RASEF: variants seen among roughly 807,000 people sequenced by gnomAD.
RASEF encodes the protein RAS and EF-hand domain containing.
Under a neutral mutation model 90.1 loss-of-function variants are expected in RASEF, and 68 were observed. The observed-to-expected ratio is 0.75, with a 90% CI of 0.62 to 0.92. RASEF has a LOEUF of 0.92. RASEF is among the 40% of genes least tolerant of loss of function. RASEF has a pLI of 0.00. For synonymous variants in RASEF, 331 were observed against 345.2 expected (o/e 0.96, Z 0.46); for missense variants, 949 against 937.2 (o/e 1.01, Z -0.16).
At chr9:83,182,120 T>C in the RASEF span, among the ~76,000 whole-genome samples, 1 of 151,986 alleles carries the variant, frequency 6.6e-6, no homozygotes, top group Non-Finnish European at 1.5e-5. Flanking sequence ...CCTGTAACCA[T>C]GCGGTAGCTC....
chr9:83,204,648 A>G, the RASEF span, among the ~76,000 whole-genome samples: 3 of 152,360 alleles, frequency 2.0e-5, no homozygotes, highest in East Asian at 3.9e-4. Flanking sequence ...CAAACATGTC[A>G]TCTAATAGCA....
the RASEF span, among the ~76,000 whole-genome samples, chr9:83,068,901 A>G: frequency 9.9e-5 from 15 of 152,226 alleles, no homozygotes; most frequent in Non-Finnish European, 2.1e-4. Context: ...ACTGGAAACT[A>G]TTTGTCATGC....
the RASEF span, among the ~76,000 whole-genome samples, chr9:83,112,696 A>AC: frequency 1.2e-4 from 18 of 152,204 alleles, no homozygotes; most frequent in Non-Finnish European, 2.6e-4. Flanking sequence ...TCAAAAAAAA[A>AC]AAAAGTATGT....
chr9:83,204,515 G>A, the RASEF span, among the ~76,000 whole-genome samples: 1 of 152,144 alleles, frequency 6.6e-6, no homozygotes, highest in Non-Finnish European at 1.5e-5. Flanking sequence ...GACAAAAAAG[G>A]TTCCCAGGGA....
chr9:83,172,579 A>G, the RASEF span, among the ~76,000 whole-genome samples: 3 of 151,820 alleles, frequency 2.0e-5, no homozygotes, highest in Admixed American at 6.6e-5. Context: ...ATAAAAACAC[A>G]TTATAGCTAT....
At chr9:83,091,557 AAAAAT>A in the RASEF span, among the ~76,000 whole-genome samples, 2 of 152,200 alleles carry the variant, frequency 1.3e-5, no homozygotes, top group Admixed American at 6.5e-5. Context: ...ACTGACTGAA[AAAAAT>A]AAAAATAAAA....
chr9:82,999,267 T>C (rs1828979429), intron 12 of RASEF, among the ~76,000 whole-genome samples: 1 of 152,192 alleles, frequency 6.6e-6, no homozygotes, highest in Admixed American at 6.5e-5. Context: ...TGAAGGTGGG[T>C]AACGGATCAT....
At chr9:83,124,483 T>A in the RASEF span, among the ~76,000 whole-genome samples, 1 of 152,186 alleles carries the variant, frequency 6.6e-6, no homozygotes, top group African/African-American at 2.4e-5. Context: ...AGCTGTTCTA[T>A]AAATTAGTCA....
intron 1 of RASEF, among the ~76,000 whole-genome samples, chr9:83,027,438 C>A (rs1047346302): frequency 2.6e-5 from 4 of 152,164 alleles, no homozygotes; most frequent in Non-Finnish European, 5.9e-5. Flanking sequence ...CAGCTACCAG[C>A]CTTCTCACTA....
chr9:83,015,157 G>T (rs1829320339), intron 4 of RASEF, among the ~76,000 whole-genome samples: 1 of 152,056 alleles, frequency 6.6e-6, no homozygotes, highest in African/African-American at 2.4e-5. Context: ...CATGCACTTT[G>T]CAATAAGCTA....
the RASEF span, among the ~76,000 whole-genome samples, chr9:83,174,191 G>A: frequency 6.6e-6 from 1 of 151,762 alleles, no homozygotes; most frequent in Non-Finnish European, 1.5e-5. Context: ...TCCTTTTGTT[G>A]CTTATGCTTT....
At chr9:83,175,706 G>A in the RASEF span, among the ~76,000 whole-genome samples, 4 of 151,922 alleles carry the variant, frequency 2.6e-5, no homozygotes, top group African/African-American at 9.7e-5. Context: ...TCAGCCTCCT[G>A]AGTAGCCGGG....
upstream of RASEF, among the ~76,000 whole-genome samples, chr9:83,066,477 A>G (rs944360174): frequency 6.6e-6 from 1 of 152,246 alleles, no homozygotes; most frequent in African/African-American, 2.4e-5. Context: ...TTCAACAAAC[A>G]GCAAAGAGAA....
intron 1 of RASEF, among the ~76,000 whole-genome samples, chr9:83,040,905 G>C (rs1829827866): frequency 1.3e-5 from 2 of 152,160 alleles, no homozygotes; most frequent in South Asian, 4.1e-4. Context: ...TTGTCGCCCA[G>C]GCTGGAGTGC....
chr9:82,993,099 A>G, intron 14 of RASEF, 74 bp from the exon 15 acceptor site: 1 of 1,491,584 alleles, frequency 6.7e-7, no homozygotes, highest in Middle Eastern at 1.8e-4. Flanking sequence ...AACAACAGCA[A>G]CAGCAATTAC....
chr9:83,102,120 C>T, the RASEF span, among the ~76,000 whole-genome samples: 1 of 152,156 alleles, frequency 6.6e-6, no homozygotes, highest in African/African-American at 2.4e-5. Context: ...TCTTGTTGCC[C>T]AGGCTGGAGT....
chr9:82,990,762 A>G (rs1161976860), intron 15 of RASEF, among the ~76,000 whole-genome samples: 1 of 152,224 alleles, frequency 6.6e-6, no homozygotes, highest in Non-Finnish European at 1.5e-5. Flanking sequence ...AATGTTCTTT[A>G]TCAAATATTC....
At chr9:83,012,756 C>G (rs1373575559) in intron 4 of RASEF, among the ~76,000 whole-genome samples, 3 of 152,166 alleles carry the variant, frequency 2.0e-5, no homozygotes, top group Non-Finnish European at 2.9e-5. Flanking sequence ...AGCTGAAAAG[C>G]CTTTTTTGGA....
the RASEF span, among the ~76,000 whole-genome samples, chr9:83,089,849 G>A: frequency 2.6e-5 from 4 of 151,844 alleles, no homozygotes; most frequent in Non-Finnish European, 5.9e-5. Context: ...TCCAAATACT[G>A]TTCCTGATCT....
Sources: allele counts gnomAD v4.1 joint callset (sites outside exome capture counted in the v4.1 genomes callset), GRCh38; gene constraint gnomAD v4.1.1; transcripts MANE v1.5; gene names NCBI Gene and HGNC (gene_info 2026-07-23, HGNC 2026-07-21).